The following MRPL30 variants were observed in gnomAD, a reference collection of about 807,000 sequenced individuals.
The protein encoded by MRPL30 is mitochondrial ribosomal protein L30, also known as large ribosomal subunit protein uL30m.
A neutral mutation model predicts 17.2 loss-of-function variants in MRPL30; 10 were observed. The observed-to-expected ratio is 0.58, with a 90% confidence interval of 0.36 to 0.99. The LOEUF (loss-of-function observed/expected upper bound fraction) is 0.99. Among genes scored for constraint, MRPL30 ranks in the 50% least tolerant of loss-of-function variants. MRPL30 has a pLI of 0.01. For synonymous variants in MRPL30, 61 were observed against 62.1 expected (o/e 0.98, Z 0.08); for missense variants, 170 against 189.8 (o/e 0.90, Z 0.61).
At position 99,186,180 on chromosome 2, in the gene MRPL30, C is replaced by G. The variant is rs1196679134; in HGVS notation, c.-24C>G. On this transcript the variant is annotated 5_prime_UTR_variant, in exon 2 of 6. Coordinates refer to ENST00000338148, the MANE Select transcript of MRPL30 (RefSeq NM_145212.4). ...GTCTACTTCCTACTTCCCACAGCCTCTAAAGAGAGCAATCACTACACTTAT... is the reference window on the plus strand; with the variant it reads ...GTCTACTTCCTACTTCCCACAGCCTGTAAAGAGAGCAATCACTACACTTAT... 1 of 1,612,858 alleles carries G rather than the reference C, an allele frequency of 6.2e-7. No individual in the cohort carries two copies. The highest frequency in any genetic ancestry group is 8.5e-7 in the Non-Finnish European group (1 of 1,178,944).
At chr2:99,190,835 A>G (rs956742219) in intron 3 of MRPL30, among the ~76,000 whole-genome samples, 6 of 152,198 alleles carry the variant, frequency 3.9e-5, no homozygotes, top group African/African-American at 1.2e-4. Flanking sequence ...TGATAAGTGT[A>G]GCAAATAGTG....
chr2:99,195,882 G>A lies in MRPL30; in HGVS notation c.*177G>A. On this transcript the variant is annotated 3_prime_UTR_variant, in exon 6 of 6. Transcript: ENST00000338148. ...AGATCACCTGAGGTCAAGAGTTCGA[G>A]ACCAGCCTGACCAACATGGAGAAAC... The A allele has an allele frequency of 1.5e-6, 1 of 660,256 alleles. No homozygotes were observed. Among genetic ancestry groups the A allele is most frequent in the Non-Finnish European group, 2.3e-6 (1 of 428,120 alleles). 40.9% of individuals were successfully genotyped at this position (660,256 alleles called of 1,614,324 possible). A position where few individuals can be genotyped will look rare whatever the true frequency, so the allele number is the denominator to read the frequency against.
At chr2:99,185,693 G>A (rs2093932835) in intron 1 of MRPL30, 1 of 363,252 alleles carries the variant, frequency 2.8e-6, no homozygotes, top group South Asian at 2.0e-5. Flanking sequence ...TAGGAATTAG[G>A]AGAATGGGGT....
chr2:99,198,944 AT>A lies in MRPL30; in HGVS notation c.*3249del, dbSNP rs1384829311. Among the ~76,000 whole-genome samples, 7 of 146,994 alleles carry A rather than the reference AT, an allele frequency of 4.8e-5. No individual in the cohort carries two copies. The highest frequency in any genetic ancestry group is 1.7e-4 in the African/African-American group (7 of 40,032). ...TTCAGGCCAAACACCTATTTTCTTC[AT>A]TTTTTTTTTCTCATAAGAATGCTAG... On this transcript the variant is annotated 3_prime_UTR_variant, in exon 6 of 6. Transcript: ENST00000338148.
At chr2:99,187,209 G>T (rs1367470936) in intron 2 of MRPL30, among the ~76,000 whole-genome samples, 1 of 152,226 alleles carries the variant, frequency 6.6e-6, no homozygotes, top group Non-Finnish European at 1.5e-5. Context: ...TGCAGGAAAT[G>T]CTGGGAGGGA....
intron 3 of MRPL30, among the ~76,000 whole-genome samples, chr2:99,192,229 T>A (rs2093947687): frequency 6.6e-6 from 1 of 152,168 alleles, no homozygotes. Flanking sequence ...AATCAATGCT[T>A]CTCTAGCTGC....
At chr2:99,182,717 A>T (rs2093926984) in intron 1 of MRPL30, among the ~76,000 whole-genome samples, 1 of 152,198 alleles carries the variant, frequency 6.6e-6, no homozygotes, top group Non-Finnish European at 1.5e-5. Flanking sequence ...TGACTATCAC[A>T]CCTTCAGAAG....
At chr2:99,189,776 A>G (rs1157524902) in intron 3 of MRPL30, among the ~76,000 whole-genome samples, 1 of 152,216 alleles carries the variant, frequency 6.6e-6, no homozygotes, top group African/African-American at 2.4e-5. Context: ...AAATACACAT[A>G]TAACATTTAC....
chr2:99,181,429 C>T (rs949160730), intron 1 of MRPL30, among the ~76,000 whole-genome samples, 180 bp downstream of exon 1: 1 of 152,138 alleles, frequency 6.6e-6, no homozygotes, highest in East Asian at 1.9e-4. Flanking sequence ...CCTGCAGGAT[C>T]CCCCCGTTTC....
chr2:99,186,171 C>A lies in MRPL30; in HGVS notation c.-27-6C>A. 1 of 1,607,892 alleles carries A rather than the reference C, an allele frequency of 6.2e-7. No homozygotes were observed. Among genetic ancestry groups the A allele is most frequent in the East Asian group, 2.2e-5 (1 of 44,842 alleles). On this transcript the variant is annotated splice_polypyrimidine_tract_variant and splice_region_variant and intron_variant, in intron 1 of 5. Transcript: ENST00000338148. Reference sequence around the variant, plus strand: ...GACTGATGGGTCTACTTCCTACTTCCCACAGCCTCTAAAGAGAGCAATCAC... The same window carrying A: ...GACTGATGGGTCTACTTCCTACTTCACACAGCCTCTAAAGAGAGCAATCAC...
At chr2:99,193,226 C>T (rs2093949856) in intron 3 of MRPL30, among the ~76,000 whole-genome samples, 3 of 152,198 alleles carry the variant, frequency 2.0e-5, no homozygotes, top group Admixed American at 2.0e-4. Flanking sequence ...TGAAAAAAAG[C>T]TCATCATCAC....
At position 99,194,630 on chromosome 2, in the gene MRPL30, A is replaced by T. The variant is rs114459011; in HGVS notation, c.133-121A>T. On this transcript the variant is annotated intron_variant, in intron 3 of 5. Transcript: ENST00000338148. ...TCAATCTGAGGTTGAGGATTACATG[A>T]TGATTAAGGATGAGGTAATTATGTA... 477 of 805,624 alleles carry T rather than the reference A, an allele frequency of 5.9e-4. 1 individual carries two copies. In the African/African-American group the frequency reaches 7.9e-3, roughly 13 times the overall value. 49.9% of individuals were successfully genotyped at this position (805,624 alleles called of 1,614,324 possible).
At chr2:99,182,643 T>C (rs1424957303) in intron 1 of MRPL30, among the ~76,000 whole-genome samples, 1 of 152,266 alleles carries the variant, frequency 6.6e-6, no homozygotes, top group Non-Finnish European at 1.5e-5. Flanking sequence ...AATTGAGGAT[T>C]GCTTGAGGCT....
chr2:99,192,063 C>T (rs1265389014), intron 3 of MRPL30, among the ~76,000 whole-genome samples: 1 of 152,134 alleles, frequency 6.6e-6, no homozygotes, highest in African/African-American at 2.4e-5. Context: ...ATCTTACCCA[C>T]CCCGAGATAA....
intron 2 of MRPL30, among the ~76,000 whole-genome samples, chr2:99,186,526 G>T (rs940028023): frequency 1.3e-5 from 2 of 151,930 alleles, no homozygotes; most frequent in Non-Finnish European, 2.9e-5. Context: ...ATAGTCGGGG[G>T]TTTCACCATA....
In MRPL30 at chr2:99,199,334, A is replaced by T. The variant is rs914926270; in HGVS notation, c.*3629A>T. 6.6e-5 allele frequency among the ~76,000 whole-genome samples: 10 copies of T among 152,186 alleles called. No homozygotes were observed. Among genetic ancestry groups the T allele is most frequent in the African/African-American group, 2.4e-4 (10 of 41,448 alleles). Reference sequence around the variant, plus strand: ...ATCAAAACTTTTCTCTCAAGACCTGAGGGAATTAATTAATAAGGAATCCTT... The same window carrying T: ...ATCAAAACTTTTCTCTCAAGACCTGTGGGAATTAATTAATAAGGAATCCTT... On this transcript the variant is annotated 3_prime_UTR_variant, in exon 6 of 6. Transcript: ENST00000338148.
chr2:99,182,510 G>A (rs1024901296), intron 1 of MRPL30, among the ~76,000 whole-genome samples: 1 of 152,230 alleles, frequency 6.6e-6, no homozygotes, highest in South Asian at 2.1e-4. Context: ...AACCCAGATC[G>A]TGCCACTGCA....
intron 1 of MRPL30, 132 bp downstream of exon 1, chr2:99,181,381 C>T (rs1166176568): frequency 6.2e-6 from 1 of 160,500 alleles, no homozygotes; most frequent in Non-Finnish European, 1.4e-5. Flanking sequence ...ATGGGTCTGC[C>T]CCTGATCCCG....
intron 3 of MRPL30, among the ~76,000 whole-genome samples, chr2:99,189,959 CAAAA>C (rs35594540): frequency 7.1e-6 from 1 of 140,420 alleles, no homozygotes. Flanking sequence ...CAGTCTCTAC[CAAAA>C]AAAAAAAAAA....
Sources: gnomAD v4.1 joint callset for allele counts (sites outside exome capture counted in the v4.1 genomes callset) on GRCh38, gnomAD v4.1.1 for gene constraint, MANE v1.5 for transcripts, NCBI Gene and HGNC (gene_info 2026-07-23, HGNC 2026-07-21) for gene names.